The following DOCK4 variants were observed in gnomAD, a reference collection of about 807,000 sequenced individuals.
DOCK4 encodes dedicator of cytokinesis protein 4.
Under a neutral mutation model 268.1 loss-of-function variants are expected in DOCK4, and 97 were observed. That is an observed-to-expected ratio of 0.36 (90% CI 0.31 to 0.43). The LOEUF (loss-of-function observed/expected upper bound fraction) is 0.43. DOCK4 is among the 20% of genes least tolerant of loss of function. The pLI is 1.00. For missense variants in DOCK4, 2,145 were observed against 2,455.7 expected (o/e 0.87, Z 2.67); for synonymous variants, 954 against 887.2 (o/e 1.08, Z -1.34).
intron 27 of DOCK4, chr7:111,819,425 G>C (rs1214234105): frequency 2.0e-5 from 3 of 152,132 alleles, no homozygotes; most frequent in Non-Finnish European, 4.4e-5. Context: ...ACTTACAGGG[G>C]GTCATGAGAT....
At chr7:111,845,888 ATAGT>A (rs1353061340) in intron 24 of DOCK4, among the ~76,000 whole-genome samples, 1 of 152,174 alleles carries the variant, frequency 6.6e-6, no homozygotes, top group African/African-American at 2.4e-5. Context: ...TAGGCATAGC[ATAGT>A]TATTCTTTAT....
intron 1 of DOCK4, among the ~76,000 whole-genome samples, chr7:112,092,791 G>A (rs1166024089): frequency 6.6e-6 from 1 of 152,070 alleles, no homozygotes; most frequent in Non-Finnish European, 1.5e-5. Flanking sequence ...TTTTGAAACT[G>A]CACTGTCCTT....
rs1223427574 is a variant in DOCK4 at position 111,974,491 on chromosome 7, GATGTGT to G, written c.701+2635_701+2640del. Among the ~76,000 whole-genome samples, 33 of 90,440 alleles carry G rather than the reference GATGTGT, an allele frequency of 3.6e-4. No homozygotes were observed. The East Asian group carries it at 7.1e-3, about 20-fold the overall frequency. The allele number at this position is 90,440 out of a possible 152,430, so 59.3% of individuals were successfully genotyped here. A position where few individuals can be genotyped will look rare whatever the true frequency, so the allele number is the denominator to read the frequency against. On this transcript the variant is annotated intron_variant, in intron 8 of 52. Coordinates refer to ENST00000428084, the MANE Select transcript of DOCK4 (RefSeq NM_001363540.2). ...CAGATCAGGTGGCATATTGAAGAGG[GATGTGT>G]GTGTGTGTGTGTGTGTGTGTGTGTG...
At chr7:111,998,785 GA>G (rs981935125) in intron 3 of DOCK4, among the ~76,000 whole-genome samples, 3 of 152,036 alleles carry the variant, frequency 2.0e-5, no homozygotes, top group Admixed American at 2.0e-4. Flanking sequence ...CAGAAAATAA[GA>G]AAATTTCAGG....
chr7:112,119,230 A>G (rs1034740708), intron 1 of DOCK4, among the ~76,000 whole-genome samples: 1 of 152,154 alleles, frequency 6.6e-6, no homozygotes, highest in African/African-American at 2.4e-5. Flanking sequence ...GAATAAATGG[A>G]GAATCCCAGA....
intron 23 of DOCK4, among the ~76,000 whole-genome samples, chr7:111,848,165 T>C (rs779033584): frequency 6.6e-6 from 1 of 152,254 alleles, no homozygotes; most frequent in Non-Finnish European, 1.5e-5. Context: ...ATTGAATCTC[T>C]TGAGCTATCT....
At chr7:111,957,520 A>AT (rs1427607510) in intron 8 of DOCK4, among the ~76,000 whole-genome samples, 4 of 152,202 alleles carry the variant, frequency 2.6e-5, no homozygotes, top group African/African-American at 9.6e-5. Flanking sequence ...TTGCTTGAGT[A>AT]TTTTGAACAT....
rs1797288103 is a variant in DOCK4, at chr7:111,760,182, C to A, written c.4161G>T (p.Gln1387His). 6.2e-7 allele frequency: 1 copy of A among 1,613,788 alleles called. No homozygotes were observed. Among genetic ancestry groups the A allele is most frequent in the Non-Finnish European group, 8.5e-7 (1 of 1,179,862 alleles). ...PDETIFQAEA[Q>H]YLQIYAVTPI... ...TCCAGCCCTTGTAGGTGCGGATACA[C>A]TGAGCTTCTGCCTGGAAGATGGTCT... The change falls in exon 40 of 53, where the codon CAG becomes CAT. Residue 1387 changes from glutamine (Q) to histidine (H), a missense_variant and splice_region_variant. This residue lies in a region of DOCK4 where 1,598 missense variants were observed against 1,986.7 expected (regional missense o/e 0.80). Transcript: ENST00000428084.
intron 1 of DOCK4, among the ~76,000 whole-genome samples, chr7:112,168,261 A>G (rs556941130): frequency 2.0e-5 from 3 of 152,342 alleles, no homozygotes; most frequent in Admixed American, 2.0e-4. Context: ...CATTTGGACT[A>G]CAATGAATGA....
At chr7:111,759,829 A>G (rs556074097) in intron 40 of DOCK4, among the ~76,000 whole-genome samples, 1 of 152,026 alleles carries the variant, frequency 6.6e-6, no homozygotes, top group South Asian at 2.1e-4. Context: ...TAAACACAAT[A>G]CTATGATTTT....
intron 1 of DOCK4, among the ~76,000 whole-genome samples, chr7:112,111,160 C>T (rs980296188): frequency 6.6e-6 from 1 of 152,166 alleles, no homozygotes; most frequent in African/African-American, 2.4e-5. Context: ...CTGGCACAAG[C>T]TCAATAGCTA....
At chr7:112,063,549 A>T (rs1284553684) in intron 1 of DOCK4, among the ~76,000 whole-genome samples, 1 of 152,250 alleles carries the variant, frequency 6.6e-6, no homozygotes. Context: ...ATTGTACCAC[A>T]TATCACTAAC....
At chr7:111,948,906 T>C (rs1178030324) in intron 8 of DOCK4, among the ~76,000 whole-genome samples, 1 of 150,116 alleles carries the variant, frequency 6.7e-6, no homozygotes, top group Non-Finnish European at 1.5e-5. Context: ...CGAAACATGC[T>C]TAGAAAAAAA....
At position 111,900,462 on chromosome 7, in the gene DOCK4, A is replaced by G; in HGVS notation, c.1392T>C (p.Ser464=). 6.2e-7 allele frequency: 1 copy of G among 1,613,342 alleles called. No individual in the cohort carries two copies. Among genetic ancestry groups the G allele is most frequent in the Non-Finnish European group, 8.5e-7 (1 of 1,179,670 alleles). ...GTTTCAGCAGTTCAGACCACCTGGG[A>G]CTGTTGTTATGGTAAAGCACAAAGG... is the stretch of plus-strand genomic sequence containing the variant. ...YHSFVLYHNN[S]PRWSELLKLP... Residue 464 remains serine, a synonymous_variant, in exon 15 of 53, where the codon AGT becomes AGC. Transcript: ENST00000428084.
At chr7:112,124,381 CA>C (rs1813026757) in intron 1 of DOCK4, among the ~76,000 whole-genome samples, 1 of 152,096 alleles carries the variant, frequency 6.6e-6, no homozygotes, top group African/African-American at 2.4e-5. Context: ...ATGTATAAAG[CA>C]TAAGTGAGAA....
chr7:111,938,739 G>C (rs1210466390), intron 11 of DOCK4, among the ~76,000 whole-genome samples: 1 of 152,140 alleles, frequency 6.6e-6, no homozygotes, highest in African/African-American at 2.4e-5. Flanking sequence ...ATTTGAAAGA[G>C]CGTCTTTACA....
chr7:112,201,906 C>G (rs893744419), intron 1 of DOCK4, among the ~76,000 whole-genome samples: 1 of 152,190 alleles, frequency 6.6e-6, no homozygotes, highest in African/African-American at 2.4e-5. Context: ...ATGAAGTAAA[C>G]TTCTTTAGAT....
intron 13 of DOCK4, among the ~76,000 whole-genome samples, chr7:111,909,640 C>A (rs1018806965): frequency 2.0e-5 from 3 of 152,196 alleles, no homozygotes; most frequent in Non-Finnish European, 4.4e-5. Context: ...CAAATCTCAA[C>A]CCTATCACTC....
chr7:111,903,339 T>C (rs1239064283), intron 13 of DOCK4, among the ~76,000 whole-genome samples: 1 of 152,190 alleles, frequency 6.6e-6, no homozygotes, highest in Non-Finnish European at 1.5e-5. Context: ...CTATAAAACA[T>C]ACATTAGTGG....
Sources: gnomAD v4.1 joint callset for allele counts (sites outside exome capture counted in the v4.1 genomes callset) on GRCh38, gnomAD v4.1.1 for gene constraint, gnomAD v4.1.1 regional missense constraint, MANE v1.5 for transcripts, NCBI Gene and HGNC (gene_info 2026-07-23, HGNC 2026-07-21) for gene names.